Variants in DDX19B observed in about 807,000 individuals in gnomAD.
DDX19B encodes the protein DEAD-box helicase 19B.
Under a neutral mutation model 58.1 loss-of-function variants are expected in DDX19B, and 27 were observed. The ratio of observed to expected loss-of-function variants is 0.46; its 90% CI spans 0.34 to 0.64. The LOEUF (loss-of-function observed/expected upper bound fraction) is 0.64. Ranked by LOEUF, DDX19B falls within the 30% of genes least tolerant of loss-of-function variation. The probability of loss-of-function intolerance (pLI) is 0.01; values close to 1 mark genes in which losing one functional copy is unlikely to be tolerated. For synonymous variants in DDX19B, 187 were observed against 214.4 expected (o/e 0.87, Z 1.12); for missense variants, 399 against 596.5 (o/e 0.67, Z 3.45).
chr16:70,323,704 A>G (rs1962979019), intron 5 of DDX19B, among the ~76,000 whole-genome samples: 2 of 152,072 alleles, frequency 1.3e-5, no homozygotes, highest in African/African-American at 2.4e-5. Context: ...GATTGCAGGC[A>G]TGAGCCACCG....
At chr16:70,310,024 G>A (rs930663080) in intron 1 of DDX19B, among the ~76,000 whole-genome samples, 10 of 151,652 alleles carry the variant, frequency 6.6e-5, no homozygotes, top group Admixed American at 2.0e-4. Context: ...CAGGAGGATC[G>A]CTTGAGCCCA....
In DDX19B at chr16:70,324,612, G is replaced by A; in HGVS notation, c.417G>A (p.Gln139=). The A allele has an allele frequency of 6.2e-7, 1 of 1,613,910 alleles. No individual in the cohort carries two copies. The highest frequency in any genetic ancestry group is 8.5e-7 in the Non-Finnish European group (1 of 1,179,964). The change falls in exon 6 of 12, where the codon CAG becomes CAA. Residue 139 remains glutamine, a synonymous_variant. Transcript: ENST00000288071. Reference sequence around the variant, plus strand: ...CACAGAACTTAATTGCCCAATCTCAGTCTGGTACTGGTAAAACAGCTGCCT... The same window carrying A: ...CACAGAACTTAATTGCCCAATCTCAATCTGGTACTGGTAAAACAGCTGCCT... ...EPPQNLIAQS[Q]SGTGKTAAFV... is the part of the protein sequence containing the mutation.
intron 7 of DDX19B, among the ~76,000 whole-genome samples, chr16:70,327,359 C>G (rs567531992): frequency 1.3e-5 from 2 of 151,694 alleles, no homozygotes; most frequent in African/African-American, 4.8e-5. Context: ...ATGGTGAAAC[C>G]CCATCTCTAC....
intron 5 of DDX19B, 146 bp from the exon 6 acceptor site, chr16:70,324,439 G>T: frequency 2.0e-6 from 1 of 490,416 alleles, no homozygotes; most frequent in Non-Finnish European, 3.6e-6. Flanking sequence ...TATTTCTATA[G>T]TGCCCTGTTC....
At chr16:70,309,252 T>G (rs1270335420) in intron 1 of DDX19B, among the ~76,000 whole-genome samples, 2 of 152,056 alleles carry the variant, frequency 1.3e-5, no homozygotes, top group Non-Finnish European at 2.9e-5. Flanking sequence ...TCCCAGCACT[T>G]CGGGAGGCCG....
At chr16:70,331,182 C>T (rs1454755988) in intron 9 of DDX19B, among the ~76,000 whole-genome samples, 1 of 152,156 alleles carries the variant, frequency 6.6e-6, no homozygotes, top group Non-Finnish European at 1.5e-5. Context: ...ACTAGGGCTA[C>T]AGGTATGTGC....
chr16:70,301,543 C>G (rs1259019205), intron 1 of DDX19B, among the ~76,000 whole-genome samples: 1 of 152,040 alleles, frequency 6.6e-6, no homozygotes, highest in Non-Finnish European at 1.5e-5. Flanking sequence ...ATATTACTGG[C>G]CCCTGGGTGT....
chr16:70,311,905 G>A (rs547123968), intron 1 of DDX19B, among the ~76,000 whole-genome samples: 1 of 151,826 alleles, frequency 6.6e-6, no homozygotes, highest in South Asian at 2.1e-4. Flanking sequence ...GTAGTGGCGT[G>A]ATCTTGGCTC....
rs556268988 is a variant in DDX19B at position 70,323,955 on chromosome 16, CAG to C, written c.390-627_390-626del. ...GTTATCTGGGGACAGTTGTCCCAAG[CAG>C]AGCACAGCCAAGGCAGAAGCCCTAA... On this transcript the variant is annotated intron_variant, in intron 5 of 11. Coordinates refer to ENST00000288071, the MANE Select transcript of DDX19B (RefSeq NM_007242.7). Among the ~76,000 whole-genome samples the C allele has an allele frequency of 1.8e-4, 28 of 152,176 alleles. No homozygotes were observed. In the South Asian group the frequency reaches 2.9e-3, roughly 16 times the overall value.
At chr16:70,314,696 C>CTATCTA (rs149821008) in intron 2 of DDX19B, 24 of 254,552 alleles carry the variant, frequency 9.4e-5, no homozygotes, top group African/African-American at 4.4e-4. Flanking sequence ...AAATATCTAT[C>CTATCTA]TATATATATA....
At chr16:70,319,279 C>T (rs1208662976) in intron 5 of DDX19B, among the ~76,000 whole-genome samples, 1 of 152,128 alleles carries the variant, frequency 6.6e-6, no homozygotes, top group African/African-American at 2.4e-5. Flanking sequence ...CCAAACAGCT[C>T]TAGGAGACCT....
At chr16:70,307,162 G>A (rs1310809678) in intron 1 of DDX19B, among the ~76,000 whole-genome samples, 1 of 152,072 alleles carries the variant, frequency 6.6e-6, no homozygotes, top group Non-Finnish European at 1.5e-5. Flanking sequence ...TAGCTACTAT[G>A]AATAATACTG....
intron 1 of DDX19B, among the ~76,000 whole-genome samples, chr16:70,310,889 G>A (rs1432722096): frequency 6.6e-6 from 1 of 151,422 alleles, no homozygotes; most frequent in Non-Finnish European, 1.5e-5. Flanking sequence ...AAATTAGCTG[G>A]GGGTGGTAGC....
At chr16:70,314,748 G>A (rs976254419) in intron 2 of DDX19B, 154 bp from the exon 3 acceptor site, 10 of 667,722 alleles carry the variant, frequency 1.5e-5, no homozygotes, top group Non-Finnish European at 2.5e-5. Context: ...TTTATTTAGG[G>A]ACAATAAAAT....
chr16:70,314,063 C>T (rs1962234639), intron 2 of DDX19B, among the ~76,000 whole-genome samples: 1 of 151,748 alleles, frequency 6.6e-6, no homozygotes, highest in African/African-American at 2.4e-5. Context: ...GAGCTGAGAT[C>T]GCACCACTGC....
At chr16:70,319,525 TA>T (rs1265883900) in intron 5 of DDX19B, 1 of 152,160 alleles carries the variant, frequency 6.6e-6, no homozygotes, top group African/African-American at 2.4e-5. Context: ...ATTGATCCTA[TA>T]TTTTATATGA....
At chr16:70,323,653 AC>A (rs770232267) in intron 5 of DDX19B, among the ~76,000 whole-genome samples, 1 of 150,832 alleles carries the variant, frequency 6.6e-6, no homozygotes, top group Non-Finnish European at 1.5e-5. Context: ...CAAATTCCTG[AC>A]CTCGAATGAT....
chr16:70,332,518 CT>C (rs1472442064), intron 10 of DDX19B, among the ~76,000 whole-genome samples: 1 of 152,174 alleles, frequency 6.6e-6, no homozygotes, highest in African/African-American at 2.4e-5. Context: ...CCAGGCTAGT[CT>C]TGAACTCTTG....
At chr16:70,294,067 C>G (rs1961130082), upstream of DDX19B, among the ~76,000 whole-genome samples, 1 of 145,752 alleles carries the variant, frequency 6.9e-6, no homozygotes, top group Non-Finnish European at 1.5e-5. Flanking sequence ...GGCCTGAGAG[C>G]CTGAATTTTT....
Sources: allele counts gnomAD v4.1 joint callset (sites outside exome capture counted in the v4.1 genomes callset), GRCh38; gene constraint gnomAD v4.1.1; transcripts MANE v1.5; gene names NCBI Gene and HGNC (gene_info 2026-07-23, HGNC 2026-07-21).